The following EPHA4 variants were observed in gnomAD, a reference collection of about 807,000 sequenced individuals.
EPHA4 encodes ephrin type-A receptor 4.
EPHA4 carries 19 observed loss-of-function variants against 108.3 expected under a neutral mutation model. The ratio of observed to expected loss-of-function variants is 0.18; its 90% CI spans 0.12 to 0.26. The LOEUF is 0.26. Ranked by LOEUF, EPHA4 falls within the 10% of genes least tolerant of loss-of-function variation. EPHA4 has a pLI of 1.00. For synonymous variants in EPHA4, 449 were observed against 455.5 expected, an observed-to-expected ratio of 0.99 and a Z score of 0.18; for missense variants, 917 against 1,254.0, an observed-to-expected ratio of 0.73 and a Z score of 4.06.
At chr2:221,545,867 G>A (rs1312883474) in intron 3 of EPHA4, among the ~76,000 whole-genome samples, 2 of 152,202 alleles carry the variant, frequency 1.3e-5, no homozygotes, top group Non-Finnish European at 2.9e-5. Flanking sequence ...TAAAGGCCAT[G>A]TCAGGCATTT....
chr2:221,438,282 C>A lies in EPHA4; in HGVS notation c.2075-1160G>T, dbSNP rs541618971. The stretch of plus-strand genomic sequence containing the variant: ...AGTCCGCTTTCTGAGGACTTTAGGA[C>A]ATAAGAACCATTCTTTACCTTCTTG... On this transcript the variant is annotated intron_variant, in intron 11 of 17. Coordinates refer to ENST00000281821, the MANE Select transcript of EPHA4 (RefSeq NM_004438.5). Among the ~76,000 whole-genome samples the A allele has an allele frequency of 5.9e-5, 9 of 152,010 alleles. No homozygotes were observed. The South Asian group carries it at 1.9e-3, about 32-fold the overall frequency.
Position 221,521,538 on chromosome 2 carries a change from G to A in EPHA4, c.824-20366C>T, listed in dbSNP as rs777423675. Among the ~76,000 whole-genome samples, 50 of 152,162 alleles carry A rather than the reference G, an allele frequency of 3.3e-4. 1 individual carries two copies. The highest frequency in any genetic ancestry group is 1.2e-4 in the Non-Finnish European group (8 of 68,038). ...ACAGGTCTGGAGGTCAGCACTACTA[G>A]AGGCAGAGATTTGGAAAATATCTGC... On this transcript the variant is annotated intron_variant, in intron 3 of 17. Transcript: ENST00000281821.
At chr2:221,451,134 A>T (rs768686945) in intron 8 of EPHA4, among the ~76,000 whole-genome samples, 7 of 152,152 alleles carry the variant, frequency 4.6e-5, no homozygotes, top group Non-Finnish European at 8.8e-5. Context: ...GAATCACTTG[A>T]ACCCATGAGG....
At chr2:221,560,961 G>A (rs1400044597) in intron 3 of EPHA4, among the ~76,000 whole-genome samples, 1 of 152,168 alleles carries the variant, frequency 6.6e-6, no homozygotes, top group East Asian at 1.9e-4. Context: ...GTCTCACTCT[G>A]GCTGGGCGCG....
chr2:221,515,436 TTAA>T (rs1265075376), intron 3 of EPHA4, among the ~76,000 whole-genome samples: 9 of 152,338 alleles, frequency 5.9e-5, no homozygotes, highest in African/African-American at 1.9e-4. Context: ...TATCTCATTA[TTAA>T]TTAGTCTTCT....
At chr2:221,439,796 C>T (rs1213934746) in intron 11 of EPHA4, among the ~76,000 whole-genome samples, 1 of 152,182 alleles carries the variant, frequency 6.6e-6, no homozygotes, top group East Asian at 1.9e-4. Flanking sequence ...TCACCAGATC[C>T]CTCTGGAGCT....
In EPHA4 at chr2:221,519,929, C is replaced by A. The variant is rs1238792526; in HGVS notation, c.824-18757G>T. On this transcript the variant is annotated intron_variant, in intron 3 of 17. Transcript: ENST00000281821. The stretch of plus-strand genomic sequence containing the variant: ...GAGTCCTAGCCTCGCCCTTTCTCTC[C>A]CTCTGGACTGAGACCTCTTTATTTC... 2.0e-5 allele frequency among the ~76,000 whole-genome samples: 3 copies of A among 152,054 alleles called. No homozygotes were observed. The South Asian group carries it at 6.3e-4, about 32-fold the overall frequency.
intron 3 of EPHA4, among the ~76,000 whole-genome samples, chr2:221,548,376 G>A (rs1694064260): frequency 6.6e-6 from 1 of 150,434 alleles, no homozygotes; most frequent in South Asian, 2.1e-4. Context: ...AAAAAAAAAA[G>A]AGTCTGGGAC....
chr2:221,431,522 C>T (rs1256220904), intron 14 of EPHA4, among the ~76,000 whole-genome samples: 1 of 152,190 alleles, frequency 6.6e-6, no homozygotes, highest in African/African-American at 2.4e-5. Context: ...ATCAGTATCA[C>T]CTACTTTTCT....
chr2:221,467,467 T>C (rs1219945549), intron 5 of EPHA4, among the ~76,000 whole-genome samples: 1 of 152,262 alleles, frequency 6.6e-6, no homozygotes, highest in Admixed American at 6.5e-5. Context: ...AAAGATGTCA[T>C]GAAAGATGTA....
intron 11 of EPHA4, among the ~76,000 whole-genome samples, chr2:221,441,951 T>TC (rs887853729): frequency 1.1e-4 from 16 of 152,126 alleles, no homozygotes; most frequent in African/African-American, 3.9e-4. Context: ...TAACCTACCC[T>TC]CCTCCGACTG....
intron 3 of EPHA4, among the ~76,000 whole-genome samples, chr2:221,561,217 G>A (rs1694454129): frequency 6.6e-6 from 1 of 151,994 alleles, no homozygotes; most frequent in Non-Finnish European, 1.5e-5. Context: ...ACTCCAGCCT[G>A]GGCGATGGAG....
intron 15 of EPHA4, among the ~76,000 whole-genome samples, chr2:221,429,144 T>G (rs1689998441): frequency 6.6e-6 from 1 of 152,168 alleles, no homozygotes; most frequent in African/African-American, 2.4e-5. Flanking sequence ...CTATTATGCC[T>G]GTATTCTAAA....
chr2:221,430,201 T>G, intron 14 of EPHA4, 50 bp from the exon 15 acceptor site: 1 of 1,542,954 alleles, frequency 6.5e-7, no homozygotes, highest in East Asian at 2.3e-5. Flanking sequence ...AAGCTGCTGT[T>G]CAAGGTTCAC....
At chr2:221,520,888 G>T (rs934811322) in intron 3 of EPHA4, among the ~76,000 whole-genome samples, 1 of 152,120 alleles carries the variant, frequency 6.6e-6, no homozygotes, top group African/African-American at 2.4e-5. Context: ...AAAAAGTATA[G>T]AATGACAAAA....
At chr2:221,459,464 C>T (rs776202024) in intron 5 of EPHA4, among the ~76,000 whole-genome samples, 4 of 152,036 alleles carry the variant, frequency 2.6e-5, no homozygotes, top group Non-Finnish European at 4.4e-5. Context: ...AAGCTGCATG[C>T]GGCAGACATA....
intron 4 of EPHA4, among the ~76,000 whole-genome samples, chr2:221,499,128 C>T (rs1169793673): frequency 6.6e-6 from 1 of 151,110 alleles, no homozygotes; most frequent in Non-Finnish European, 1.5e-5. Flanking sequence ...CTAGGATTCT[C>T]CCTAACTCTG....
chr2:221,566,803 GAGAAGA>G (rs759337510), intron 2 of EPHA4, among the ~76,000 whole-genome samples: 13 of 137,224 alleles, frequency 9.5e-5, no homozygotes, highest in African/African-American at 2.7e-4. Flanking sequence ...GAAGAAGAGG[GAGAAGA>G]AGAAGAAGGA....
rs555358801 is a variant in EPHA4, at chr2:221,439,738, C to T, written c.2075-2616G>A. 4.6e-5 allele frequency among the ~76,000 whole-genome samples: 7 copies of T among 152,158 alleles called. No homozygotes were observed. In the South Asian group the frequency reaches 8.3e-4, roughly 18 times the overall value. On this transcript the variant is annotated intron_variant, in intron 11 of 17. Coordinates refer to ENST00000281821, the MANE Select transcript of EPHA4 (RefSeq NM_004438.5). The stretch of plus-strand genomic sequence containing the variant: ...AATCAAAAGATACTTTGTCAACTAA[C>T]GAGAAAGGGCAGCCTCTCATGGCTG...
Sources: allele counts gnomAD v4.1 joint callset (sites outside exome capture counted in the v4.1 genomes callset), GRCh38; gene constraint gnomAD v4.1.1; transcripts MANE v1.5; gene names NCBI Gene and HGNC (gene_info 2026-07-23, HGNC 2026-07-21).